KRT28: variants seen among roughly 807,000 people sequenced by gnomAD.
KRT28 encodes the protein keratin, type I cytoskeletal 28.
A neutral mutation model predicts 48.1 loss-of-function variants in KRT28; 45 were observed. The observed-to-expected ratio is 0.94, with a 90% CI of 0.74 to 1.20. KRT28 has a LOEUF of 1.20. Among genes scored for constraint, KRT28 ranks in the 50% most tolerant of loss-of-function variants. The probability of loss-of-function intolerance (pLI) is 0.00; values close to 1 mark genes in which losing one functional copy is unlikely to be tolerated. For synonymous variants in KRT28, 228 were observed against 227.4 expected (o/e 1.00, Z -0.03); for missense variants, 571 against 574.1 (o/e 0.99, Z 0.06).
intron 5 of KRT28, among the ~76,000 whole-genome samples, chr17:40,794,849 G>A (rs936876073): frequency 2.6e-5 from 4 of 151,966 alleles, no homozygotes; most frequent in African/African-American, 9.7e-5. Context: ...TCCTTTTCTT[G>A]TGTGGAGGAA....
intron 5 of KRT28, among the ~76,000 whole-genome samples, chr17:40,795,932 A>G (rs1276193109): frequency 2.0e-5 from 3 of 152,168 alleles, no homozygotes; most frequent in Non-Finnish European, 4.4e-5. Context: ...TGTCTCGGGT[A>G]CCTGCTAGCA....
At position 40,799,856 on chromosome 17, in the gene KRT28, C is replaced by G. The variant is rs753493968; in HGVS notation, c.38G>C (p.Cys13Ser). 2 of 1,613,634 alleles carry G rather than the reference C, an allele frequency of 1.2e-6. No individual in the cohort carries two copies. The highest frequency in any genetic ancestry group is 3.3e-5 in the Admixed American group (2 of 60,024). ...LQFSNGSRHV[C>S]LRSGAGSVRP... ...GACAGATCCAGCTCCAGACCTTAAG[C>G]AAACATGCCTGGATCCATTAGAAAA... Residue 13 changes from cysteine to serine, a missense_variant, in exon 1 of 8, where the codon TGC (cysteine) becomes TCC (serine). Physicochemically the swap from Cys to Ser is moderately radical, Grantham distance 112. Coordinates refer to ENST00000306658, the MANE Select transcript of KRT28 (RefSeq NM_181535.3).
Position 40,792,439 on chromosome 17 carries a change from C to G in KRT28, c.1383G>C (p.Arg461Ser). 1.2e-6 allele frequency: 2 copies of G among 1,610,692 alleles called. No homozygotes were observed. The highest frequency in any genetic ancestry group is 1.7e-6 in the Non-Finnish European group (2 of 1,178,634). The stretch of plus-strand genomic sequence containing the variant: ...TCTAAAATGACAGCTAGAAAGGAAC[C>G]CTTTGTTCTGTCTTGCCGTTGGTCA... ...SKMTNGKTEQ[R>S]VPF The change falls in exon 8 of 8, where the codon AGG (arginine) becomes AGC (serine). Residue 461 changes from arginine (R) to serine (S), a missense_variant. Physicochemically the swap from Arg to Ser is moderately radical, Grantham distance 110. Coordinates refer to ENST00000306658, the MANE Select transcript of KRT28 (RefSeq NM_181535.3).
chr17:40,799,666 T>C lies in KRT28; in HGVS notation c.228A>G (p.Gly76=), dbSNP rs756651666. 1.2e-6 allele frequency: 2 copies of C among 1,613,918 alleles called. No homozygotes were observed. The highest frequency in any genetic ancestry group is 1.7e-5 in the Admixed American group (1 of 59,982). ...LGNAACIGFA[G]SEGGLLSGNE... The stretch of plus-strand genomic sequence containing the variant: ...TTCCAGAGAGGAGTCCCCCTTCGCT[T>C]CCAGCAAAGCCAATACAAGCAGCAT... Residue 76 remains glycine, a synonymous_variant, in exon 1 of 8, where the codon GGA becomes GGG. Transcript: ENST00000306658.
chr17:40,797,055 A>G lies in KRT28; in HGVS notation c.853-14T>C, dbSNP rs746512655. ...CAGCGAGGCGCTCTGTAGGGCCGGG[A>G]AAAAGGGTCACACGGAGTCCCCACC... On this transcript the variant is annotated splice_polypyrimidine_tract_variant and intron_variant, in intron 4 of 7. Transcript: ENST00000306658. 1 of 1,607,486 alleles carries G rather than the reference A, an allele frequency of 6.2e-7. No individual in the cohort carries two copies.
In KRT28 at chr17:40,797,334, C is replaced by G. The variant is rs544774351; in HGVS notation, c.691-53G>C. ...GGGGCATTGCAGGTTCACACTCAGT[C>G]TGAGAAGTTCTCAAACGTGTTACTT... On this transcript the variant is annotated intron_variant, in intron 3 of 7. Coordinates refer to ENST00000306658, the MANE Select transcript of KRT28 (RefSeq NM_181535.3). 3.3e-6 allele frequency: 5 copies of G among 1,532,426 alleles called. No individual in the cohort carries two copies. In the African/African-American group the frequency reaches 4.1e-5, roughly 13 times the overall value. 94.9% of individuals were successfully genotyped at this position (1,532,426 alleles called of 1,614,324 possible). A position where few individuals can be genotyped will look rare whatever the true frequency, so the allele number is the denominator to read the frequency against.
chr17:40,793,112 A>AAAAAG lies in KRT28; in HGVS notation c.1252+38_1252+42dup, dbSNP rs542338111. The AAAAAG allele has an allele frequency of 4.5e-4, 625 of 1,386,456 alleles. 3 individuals are homozygous for AAAAAG. The highest frequency in any genetic ancestry group is 3.7e-3 in the East Asian group (144 of 38,908). The allele number at this position is 1,386,456 out of a possible 1,614,324, so 85.9% of individuals were successfully genotyped here. A position where few individuals can be genotyped will look rare whatever the true frequency, so the allele number is the denominator to read the frequency against. On this transcript the variant is annotated intron_variant, in intron 7 of 7. Coordinates refer to ENST00000306658, the MANE Select transcript of KRT28 (RefSeq NM_181535.3). ...GAGACTCTGTCTCAAAAAAATTTAA[A>AAAAAG]AAAAGAAAAGAAAAGAAAAGAAATA... is the stretch of plus-strand genomic sequence containing the variant.
rs2270154 is a variant in KRT28, at chr17:40,793,999, A to G, written c.1026T>C (p.Cys342=). Residue 342 remains cysteine (C), a synonymous_variant, in exon 6 of 8, where the codon TGT becomes TGC. Coordinates refer to ENST00000306658, the MANE Select transcript of KRT28 (RefSeq NM_181535.3). ...CSLTETESNY[C]TQLAQIQAQI... ...GAGCCTGGATCTGCGCCAGCTGCGTACAGTAGTTGCTCTCGGTCTCTGTCA... is the reference window on the plus strand; with the variant it reads ...GAGCCTGGATCTGCGCCAGCTGCGTGCAGTAGTTGCTCTCGGTCTCTGTCA... 42,791 of 1,613,826 alleles carry G rather than the reference A, an allele frequency of 0.027. 3,732 individuals are homozygous for G. The highest frequency in any genetic ancestry group is 0.24 in the Admixed American group (14,398 of 60,006).
At chr17:40,793,351 T>C (rs1904534725) in intron 6 of KRT28, 141 bp from the exon 7 acceptor site, 1 of 541,782 alleles carries the variant, frequency 1.8e-6, no homozygotes, top group Non-Finnish European at 3.3e-6. Context: ...TTTTTATGTG[T>C]AGGAGCTGAA....
chr17:40,796,181 A>G (rs890807810), intron 5 of KRT28, among the ~76,000 whole-genome samples: 10 of 152,366 alleles, frequency 6.6e-5, no homozygotes, highest in Admixed American at 4.6e-4. Flanking sequence ...AGGAGGCACG[A>G]AACCTCTTAT....
At chr17:40,795,136 G>A (rs1197566006) in intron 5 of KRT28, among the ~76,000 whole-genome samples, 1 of 152,120 alleles carries the variant, frequency 6.6e-6, no homozygotes, top group African/African-American at 2.4e-5. Flanking sequence ...GGTCTAATGG[G>A]GCTGAGAACC....
rs766789969 is a variant in KRT28 at position 40,798,287 on chromosome 17, T to C, written c.638A>G (p.Gln213Arg). The C allele has an allele frequency of 6.2e-6, 10 of 1,613,194 alleles. No individual in the cohort carries two copies. Among genetic ancestry groups the C allele is most frequent in the Non-Finnish European group, 8.5e-6 (10 of 1,179,264 alleles). The change falls in exon 3 of 8, where the codon CAA (glutamine) becomes CGA (arginine). Residue 213 changes from glutamine (Q) to arginine (R), a missense_variant. Coordinates refer to ENST00000306658, the MANE Select transcript of KRT28 (RefSeq NM_181535.3). ...CATCTCCTCACTCAGAGACTCATAT[T>C]GCAGCTCCTGGTCGGTCCTGCAGAG... ...LTLCRTDQELQYESLSEEMTY... is the reference protein window; with the variant it reads ...LTLCRTDQELRYESLSEEMTY...
chr17:40,793,682 ACT>A, intron 6 of KRT28, 145 bp downstream of exon 6: 1 of 702,812 alleles, frequency 1.4e-6, no homozygotes, highest in Non-Finnish European at 2.4e-6. Flanking sequence ...GGAAGAGATG[ACT>A]CTCTTCCAAA....
In KRT28 at chr17:40,793,218, A is replaced by G; in HGVS notation, c.1197-8T>C. 1 of 1,518,702 alleles carries G rather than the reference A, an allele frequency of 6.6e-7. No individual in the cohort carries two copies. The highest frequency in any genetic ancestry group is 8.9e-7 in the Non-Finnish European group (1 of 1,126,390). 94.1% of individuals were successfully genotyped at this position (1,518,702 alleles called of 1,614,324 possible). On this transcript the variant is annotated splice_region_variant and splice_polypyrimidine_tract_variant and intron_variant, in intron 6 of 7. Coordinates refer to ENST00000306658, the MANE Select transcript of KRT28 (RefSeq NM_181535.3). ...TTTGATTTGGAGCATGAACTGTAAA[A>G]GAAATATAGTTTATTCTTTTATATT... is the stretch of plus-strand genomic sequence containing the variant.
Position 40,797,136 on chromosome 17 carries a change from G to C in KRT28, c.836C>G (p.Ala279Gly), listed in dbSNP as rs1904631608. 1.2e-6 allele frequency: 2 copies of C among 1,613,910 alleles called. No homozygotes were observed. Among genetic ancestry groups the C allele is most frequent in the Middle Eastern group, 1.6e-4 (1 of 6,084 alleles). ...CCACCTCACCTTCTCATTGAACCAG[G>C]CCTCCGCGTCCTTGCGGTTCTGCTC... ...LAEQNRKDAE[A>G]WFNEKSASLQ... Residue 279 changes from alanine to glycine, a missense_variant, in exon 4 of 8, where the codon GCC (alanine) becomes GGC (glycine). Ala to Gly is a moderately conservative substitution (Grantham distance 60, BLOSUM62 0). Coordinates refer to ENST00000306658, the MANE Select transcript of KRT28 (RefSeq NM_181535.3).
At chr17:40,795,394 C>T (rs765379059) in intron 5 of KRT28, among the ~76,000 whole-genome samples, 1 of 152,164 alleles carries the variant, frequency 6.6e-6, no homozygotes, top group South Asian at 2.1e-4. Context: ...GACAGCGTCT[C>T]TACTTCACAG....
At chr17:40,799,063 G>T in intron 1 of KRT28, 64 bp from the exon 2 acceptor site, 1 of 1,014,848 alleles carries the variant, frequency 9.9e-7, no homozygotes, top group Non-Finnish European at 1.5e-6. Context: ...CATTATTTCA[G>T]GAAATGAAAA....
Position 40,794,132 on chromosome 17 carries a change from C to T in KRT28, c.979-86G>A, listed in dbSNP as rs954732672. 167 of 1,490,730 alleles carry T rather than the reference C, an allele frequency of 1.1e-4. No individual in the cohort carries two copies. In the African/African-American group the frequency reaches 2.0e-3, roughly 18 times the overall value. The allele number at this position is 1,490,730 out of a possible 1,614,324, so 92.3% of individuals were successfully genotyped here. ...TGTTTCTCAGTAATCAGCAGGATTG[C>T]TCCCTGGGCAATTGTGGAAATTTGT... On this transcript the variant is annotated intron_variant, in intron 5 of 7. Coordinates refer to ENST00000306658, the MANE Select transcript of KRT28 (RefSeq NM_181535.3).
rs1268328211 is a variant in KRT28 at position 40,793,260 on chromosome 17, T to C, written c.1197-50A>G. 3 of 1,156,134 alleles carry C rather than the reference T, an allele frequency of 2.6e-6. No individual in the cohort carries two copies. The African/African-American group carries it at 4.9e-5, about 19-fold the overall frequency. 71.6% of individuals were successfully genotyped at this position (1,156,134 alleles called of 1,614,324 possible). A position where few individuals can be genotyped will look rare whatever the true frequency, so the allele number is the denominator to read the frequency against. ...TTTTATATTTCTGCTTACTATCGCT[T>C]CAGAAATATTCATTGACTCAATGAA... On this transcript the variant is annotated intron_variant, in intron 6 of 7. Coordinates refer to ENST00000306658, the MANE Select transcript of KRT28 (RefSeq NM_181535.3).
Sources: allele counts gnomAD v4.1 joint callset (sites outside exome capture counted in the v4.1 genomes callset), GRCh38; gene constraint gnomAD v4.1.1; transcripts MANE v1.5; gene names NCBI Gene and HGNC (gene_info 2026-07-23, HGNC 2026-07-21).